The following NTRK3 variants were observed in gnomAD, a reference collection of about 807,000 sequenced individuals.
NTRK3 encodes the protein neurotrophic receptor tyrosine kinase 3.
Under a neutral mutation model 91.7 loss-of-function variants are expected in NTRK3, and 24 were observed. The observed-to-expected ratio is 0.26, with a 90% CI of 0.19 to 0.37. The LOEUF is 0.37. NTRK3 is among the 10% of genes least tolerant of loss of function. The pLI, the probability that NTRK3 is intolerant of heterozygous loss-of-function variation, is 1.00. For synonymous variants in NTRK3, 483 were observed against 404.0 expected (o/e 1.20, Z -2.34); for missense variants, 880 against 1,068.9 (o/e 0.82, Z 2.46).
At chr15:88,138,711 CTGCCCAGTCCCT>C (rs943777427) in intron 6 of NTRK3, among the ~76,000 whole-genome samples, 1 of 152,246 alleles carries the variant, frequency 6.6e-6, no homozygotes, top group African/African-American at 2.4e-5. Context: ...CAGTCTAACA[CTGCCCAGTCCCT>C]TGCCATGCTA....
intron 13 of NTRK3, among the ~76,000 whole-genome samples, chr15:88,113,342 G>C (rs929452452): frequency 3.1e-5 from 4 of 128,504 alleles, no homozygotes; most frequent in African/African-American, 1.2e-4. Context: ...TTGAGACAGA[G>C]TCTCACTCCA....
intron 5 of NTRK3, among the ~76,000 whole-genome samples, chr15:88,160,637 C>T (rs546027118): frequency 1.1e-4 from 17 of 152,296 alleles, no homozygotes; most frequent in Admixed American, 6.5e-5. Flanking sequence ...CCTTTAGGGG[C>T]CTTCTCCCCT....
chr15:88,218,879 C>A (rs893085234), intron 3 of NTRK3, among the ~76,000 whole-genome samples: 2 of 152,202 alleles, frequency 1.3e-5, no homozygotes, highest in African/African-American at 4.8e-5. Flanking sequence ...TCATCCAAAT[C>A]CACCTGTTTG....
intron 13 of NTRK3, among the ~76,000 whole-genome samples, chr15:88,066,021 T>C (rs2046620572): frequency 1.3e-5 from 2 of 152,210 alleles, no homozygotes; most frequent in African/African-American, 2.4e-5. Context: ...GAGAACGCCA[T>C]AGTAACTAAA....
chr15:88,021,642 A>G (rs891213517), intron 14 of NTRK3, among the ~76,000 whole-genome samples: 5 of 152,188 alleles, frequency 3.3e-5, no homozygotes, highest in African/African-American at 1.2e-4. Flanking sequence ...TTTGCAAAAC[A>G]ATGAATTAAA....
At chr15:87,941,470 CAT>C (rs35602008) in intron 14 of NTRK3, among the ~76,000 whole-genome samples, 2 of 128,640 alleles carry the variant, frequency 1.6e-5, no homozygotes, top group South Asian at 2.9e-4. Context: ...CACACATACA[CAT>C]ACACACACAC....
intron 3 of NTRK3, among the ~76,000 whole-genome samples, chr15:88,205,037 C>T (rs1245550644): frequency 6.6e-6 from 1 of 152,140 alleles, no homozygotes; most frequent in Non-Finnish European, 1.5e-5. Context: ...GCCCTTCCTA[C>T]CAGGAAAATC....
At chr15:88,060,815 A>C (rs754369872) in intron 13 of NTRK3, among the ~76,000 whole-genome samples, 1 of 152,206 alleles carries the variant, frequency 6.6e-6, no homozygotes, top group Non-Finnish European at 1.5e-5. Context: ...TCCAAGTGTA[A>C]GAAGTTATTT....
At chr15:88,098,707 C>T (rs975827991) in intron 13 of NTRK3, 2 of 232,026 alleles carry the variant, frequency 8.6e-6, no homozygotes, top group Non-Finnish European at 1.7e-5. Flanking sequence ...GGAATAAATC[C>T]GCAGGGGCCA....
intron 13 of NTRK3, among the ~76,000 whole-genome samples, chr15:88,120,672 G>A (rs572931588): frequency 5.9e-5 from 9 of 152,320 alleles, no homozygotes; most frequent in Non-Finnish European, 1.2e-4. Flanking sequence ...GTTGGAAAAA[G>A]TGGATTAATA....
At chr15:88,003,989 G>A (rs903965748) in intron 14 of NTRK3, among the ~76,000 whole-genome samples, 13 of 151,964 alleles carry the variant, frequency 8.6e-5, no homozygotes, top group South Asian at 2.1e-4. Flanking sequence ...TCAGGGCCAC[G>A]CACCCATAAG....
exon 15 of NTRK3, chr15:87,940,651 G>A (rs2142017777): frequency 6.2e-7 from 1 of 1,614,012 alleles, no homozygotes; most frequent in Non-Finnish European, 8.5e-7. Flanking sequence ...CTTGTCCTTG[G>A]TCGGGCTGAG....
chr15:88,024,915 C>T (rs924556512), intron 14 of NTRK3, among the ~76,000 whole-genome samples: 1 of 152,140 alleles, frequency 6.6e-6, no homozygotes, highest in South Asian at 2.1e-4. Flanking sequence ...GGTCTTTGAC[C>T]GATGACAGCT....
chr15:88,116,257 C>A (rs1597400475), intron 13 of NTRK3, among the ~76,000 whole-genome samples: 1 of 152,104 alleles, frequency 6.6e-6, no homozygotes, highest in East Asian at 1.9e-4. Flanking sequence ...GGCATATTTA[C>A]CCAAAGAGGA....
intron 5 of NTRK3, among the ~76,000 whole-genome samples, chr15:88,176,378 A>G (rs567393332): frequency 8.1e-4 from 123 of 151,902 alleles, no homozygotes; most frequent in Non-Finnish European, 1.5e-3. Context: ...CTCATCATCC[A>G]CCTGTCTCGG....
At chr15:88,104,620 G>A (rs1161257957) in intron 13 of NTRK3, among the ~76,000 whole-genome samples, 1 of 152,190 alleles carries the variant, frequency 6.6e-6, no homozygotes, top group East Asian at 1.9e-4. Context: ...GTGTGTGTCT[G>A]CCCCTTCCTG....
chr15:87,892,989 A>G (rs757656359), intron 17 of NTRK3, among the ~76,000 whole-genome samples: 4 of 152,244 alleles, frequency 2.6e-5, no homozygotes, highest in Non-Finnish European at 5.9e-5. Context: ...AATATTTACA[A>G]TATTCTGGAA....
In NTRK3 at chr15:88,113,311, C is replaced by CTTTT. The variant is rs60232101; in HGVS notation, c.1396+12956_1396+12959dup. Among the ~76,000 whole-genome samples, 591 of 111,614 alleles carry CTTTT rather than the reference C, an allele frequency of 5.3e-3. 4 individuals are homozygous for CTTTT. Among genetic ancestry groups the CTTTT allele is most frequent in the African/African-American group, 7.4e-3 (204 of 27,676 alleles). 73.2% of individuals were successfully genotyped at this position (111,614 alleles called of 152,430 possible). A position where few individuals can be genotyped will look rare whatever the true frequency, so the allele number is the denominator to read the frequency against. The stretch of plus-strand genomic sequence containing the variant: ...GACTCCCCCACCTGCTGATCAATTT[C>CTTTT]TTTTTTTTTTTTTTTTTTTTTTGAG... On this transcript the variant is annotated intron_variant, in intron 13 of 18. Coordinates refer to ENST00000394480, the Ensembl canonical transcript of NTRK3.
intron 14 of NTRK3, among the ~76,000 whole-genome samples, chr15:87,964,146 T>C (rs1418693783): frequency 6.6e-6 from 1 of 152,108 alleles, no homozygotes; most frequent in Non-Finnish European, 1.5e-5. Flanking sequence ...ACAACATACA[T>C]TTATATCTGT....
Sources: gnomAD v4.1 joint callset for allele counts (sites outside exome capture counted in the v4.1 genomes callset) on GRCh38, gnomAD v4.1.1 for gene constraint, MANE v1.5 for transcripts, NCBI Gene and HGNC (gene_info 2026-07-23, HGNC 2026-07-21) for gene names.